The following UBE2O variants were observed in gnomAD, a reference collection of about 807,000 sequenced individuals.
UBE2O encodes ubiquitin conjugating enzyme E2 O, also known as (E3-independent) E2 ubiquitin-conjugating enzyme.
A neutral mutation model predicts 125.8 loss-of-function variants in UBE2O; 15 were observed. The ratio of observed to expected loss-of-function variants is 0.12; its 90% confidence interval spans 0.08 to 0.18. The LOEUF (loss-of-function observed/expected upper bound fraction) is 0.18. UBE2O is among the 10% of genes least tolerant of loss of function. The pLI, the probability that UBE2O is intolerant of heterozygous loss-of-function variation, is 1.00. For synonymous variants in UBE2O, 708 were observed against 703.2 expected, an observed-to-expected ratio of 1.01 and a Z score of -0.11; for missense variants, 1,280 against 1,723.6, an observed-to-expected ratio of 0.74 and a Z score of 4.56.
Position 76,452,974 on chromosome 17 carries a change from C to A in UBE2O, c.168G>T (p.Ser56=), listed in dbSNP as rs989369099. 3.3e-6 allele frequency: 5 copies of A among 1,494,370 alleles called. No individual in the cohort carries two copies. Among genetic ancestry groups the A allele is most frequent in the Admixed American group, 4.6e-5 (2 of 43,050 alleles). 92.6% of individuals were successfully genotyped at this position (1,494,370 alleles called of 1,614,324 possible). Residue 56 remains serine, a synonymous_variant, in exon 1 of 18, where the codon TCG becomes TCT. Coordinates refer to ENST00000319380, the MANE Select transcript of UBE2O (RefSeq NM_022066.4). The surrounding 1 kb of genome is among the most constrained non-coding windows in gnomAD (Gnocchi z 4.4). ...GGTCGTGAGAAAACAGCAGGCGCTG[C>A]GAGCCGGCTTCTGGGCCGGAGTCCG... ...PSSDSGPEAG[S]QRLLFSHDLV...
Position 76,398,566 on chromosome 17 carries a change from G to A in UBE2O, c.1802C>T (p.Pro601Leu), listed in dbSNP as rs1167504969. 2 of 1,613,956 alleles carry A rather than the reference G, an allele frequency of 1.2e-6. No individual in the cohort carries two copies. Among genetic ancestry groups the A allele is most frequent in the African/African-American group, 2.7e-5 (2 of 74,890 alleles). ...VDKRVQSCPD[P>L]AVYGVVQSGD... ...AGACTGTACCACACCGTAGACAGCA[G>A]GGTCTGGACAGCTCTGGACTAGGGA... Residue 601 changes from proline (P) to leucine (L), a missense_variant, in exon 11 of 18, where the codon CCT becomes CTT. This residue lies in a region of UBE2O where 145 missense variants were observed against 219.6 expected (regional missense o/e 0.66). Transcript: ENST00000319380. This position sits in a 1 kb window ranked among gnomAD's most constrained non-coding sequence, Gnocchi z 5.4.
At chr17:76,420,609 C>T (rs780589787) in intron 1 of UBE2O, among the ~76,000 whole-genome samples, 9 of 152,194 alleles carry the variant, frequency 5.9e-5, no homozygotes, top group Non-Finnish European at 7.3e-5. Flanking sequence ...CTCCTTACAA[C>T]TCTGTAACTA....
At position 76,404,033 on chromosome 17, in the gene UBE2O, A is replaced by G. The variant is rs2072376402; in HGVS notation, c.588+1173T>C. On this transcript the variant is annotated intron_variant, in intron 3 of 17. Transcript: ENST00000319380. This position sits in a 1 kb window ranked among gnomAD's most constrained non-coding sequence, Gnocchi z 4.3. ...AAAGAATACATAAATAGGGCAGAAG[A>G]TAAAGCTCTTCTACAGAGCAGAATG... 6.6e-6 allele frequency among the ~76,000 whole-genome samples: 1 copy of G among 152,238 alleles called. No homozygotes were observed. Among genetic ancestry groups the G allele is most frequent in the Non-Finnish European group, 1.5e-5 (1 of 68,050 alleles).
In UBE2O at chr17:76,398,158, G is replaced by A. The variant is rs1161502358; in HGVS notation, c.2025+97C>T. The A allele has an allele frequency of 5.2e-6, 8 of 1,550,388 alleles. No individual in the cohort carries two copies. Among genetic ancestry groups the A allele is most frequent in the Non-Finnish European group, 6.2e-6 (7 of 1,132,002 alleles). On this transcript the variant is annotated intron_variant, in intron 12 of 17. Coordinates refer to ENST00000319380, the MANE Select transcript of UBE2O (RefSeq NM_022066.4). The surrounding 1 kb of genome is among the most constrained non-coding windows in gnomAD (Gnocchi z 5.4). The stretch of plus-strand genomic sequence containing the variant: ...GACACTGAGCCCAGAGGACTTTCAG[G>A]TCTTGTCTCCTAGAGCCACCTGGTG...
chr17:76,424,261 T>C (rs2143818390), intron 1 of UBE2O, among the ~76,000 whole-genome samples: 1 of 134,906 alleles, frequency 7.4e-6, no homozygotes, highest in South Asian at 2.4e-4. Context: ...CAGCCTGGAG[T>C]GCAATGGCAC....
chr17:76,412,482 G>C (rs770440523), intron 1 of UBE2O, among the ~76,000 whole-genome samples: 3 of 152,136 alleles, frequency 2.0e-5, no homozygotes, highest in Non-Finnish European at 2.9e-5. Flanking sequence ...CCAACTGGGG[G>C]TGTGGGAGAG....
At chr17:76,426,507 T>C (rs1456304626) in intron 1 of UBE2O, among the ~76,000 whole-genome samples, 1 of 152,234 alleles carries the variant, frequency 6.6e-6, no homozygotes, top group African/African-American at 2.4e-5. Flanking sequence ...TTGCTCTCTT[T>C]CTTTTAGACA....
Position 76,398,351 on chromosome 17 carries a change from G to T in UBE2O, c.1929C>A (p.Tyr643Ter). The change falls in exon 12 of 18, where the codon TAC (tyrosine) becomes TAA (stop). Residue 643 changes from tyrosine (Y) to a stop codon, truncating the protein, a stop_gained. Transcript: ENST00000319380. LOFTEE classifies it high-confidence loss of function. This position sits in a 1 kb window ranked among gnomAD's most constrained non-coding sequence, Gnocchi z 5.4. ...TAAAGTCAGGGTGGTCAGCAATGTC[G>T]TAAACACTCACATCTTCCTCTTCTC... ...LIGEEEDVSV[Y>*]DIADHPDFRF... 6.2e-7 allele frequency: 1 copy of T among 1,614,168 alleles called. No individual in the cohort carries two copies.
chr17:76,416,919 C>T (rs1206833895), intron 1 of UBE2O, among the ~76,000 whole-genome samples: 1 of 152,210 alleles, frequency 6.6e-6, no homozygotes, highest in Non-Finnish European at 1.5e-5. Context: ...TGCAGTGAGA[C>T]AAAGCTGCGG....
At chr17:76,431,382 G>C (rs565484192) in intron 1 of UBE2O, among the ~76,000 whole-genome samples, 34 of 152,228 alleles carry the variant, frequency 2.2e-4, no homozygotes, top group African/African-American at 7.7e-4. Context: ...TGGGCGTGCT[G>C]GTGCACGCCT....
intron 1 of UBE2O, among the ~76,000 whole-genome samples, chr17:76,427,761 C>T (rs924825384): frequency 6.6e-6 from 1 of 152,236 alleles, no homozygotes; most frequent in African/African-American, 2.4e-5. Flanking sequence ...AAGACTTCCT[C>T]CAACACAATC....
rs2072117049 is a variant in UBE2O at position 76,391,685 on chromosome 17, G to A, written c.3208+71C>T. On this transcript the variant is annotated intron_variant, in intron 17 of 17. Coordinates refer to ENST00000319380, the MANE Select transcript of UBE2O (RefSeq NM_022066.4). This position sits in a 1 kb window ranked among gnomAD's most constrained non-coding sequence, Gnocchi z 8.4. ...ATGCAGGCCTACCCTCCACCTGCCA[G>A]GGGGACTATCAGAGTCACTTTCCTC... 1 of 1,600,792 alleles carries A rather than the reference G, an allele frequency of 6.2e-7. No individual in the cohort carries two copies. Among genetic ancestry groups the A allele is most frequent in the African/African-American group, 1.4e-5 (1 of 71,088 alleles).
rs969549762 is a variant in UBE2O at position 76,410,715 on chromosome 17, G to A, written c.418-5143C>T. Among the ~76,000 whole-genome samples the A allele has an allele frequency of 2.0e-5, 3 of 151,746 alleles. No individual in the cohort carries two copies. Among genetic ancestry groups the A allele is most frequent in the African/African-American group, 4.8e-5 (2 of 41,286 alleles). On this transcript the variant is annotated intron_variant, in intron 1 of 17. Coordinates refer to ENST00000319380, the MANE Select transcript of UBE2O (RefSeq NM_022066.4). This position sits in a 1 kb window ranked among gnomAD's most constrained non-coding sequence, Gnocchi z 4.0. ...GCTATGCTGGGGGCCACTCAGAGCA[G>A]GCATTCAGGAGCCGGGGAAGCTCAC...
chr17:76,399,662 C>G lies in UBE2O; in HGVS notation c.1415G>C (p.Arg472Thr). 4 of 1,614,216 alleles carry G rather than the reference C, an allele frequency of 2.5e-6. No homozygotes were observed. The highest frequency in any genetic ancestry group is 3.4e-6 in the Non-Finnish European group (4 of 1,180,042). Residue 472 changes from arginine to threonine, a missense_variant, in exon 9 of 18, where the codon AGG (arginine) becomes ACG (threonine). Around this residue, in one of 10 missense-constraint regions of UBE2O, gnomAD observed 141 missense variants for 141.3 expected, o/e 1.00. Coordinates refer to ENST00000319380, the MANE Select transcript of UBE2O (RefSeq NM_022066.4). The surrounding 1 kb of genome is among the most constrained non-coding windows in gnomAD (Gnocchi z 6.9). ...TGCGTCCTGCTCTGCCGAGTGCAGC[C>G]TGTCATCTCTGCCTTCTTTTAGCAG... ...PFLLKEGRDD[R>T]LHSAEQDADD... is the part of the protein sequence containing the mutation.
In UBE2O at chr17:76,398,251, G is replaced by A. The variant is rs760194329; in HGVS notation, c.2025+4C>T. ...CCATCCAGAACTTGAATTTGAAGGC[G>A]TACCTCATCCTCCTTGTGAGGAGCC... is the stretch of plus-strand genomic sequence containing the variant. On this transcript the variant is annotated splice_donor_region_variant and intron_variant, in intron 12 of 17. Transcript: ENST00000319380. This position sits in a 1 kb window ranked among gnomAD's most constrained non-coding sequence, Gnocchi z 5.4. 14 of 1,614,010 alleles carry A rather than the reference G, an allele frequency of 8.7e-6. No homozygotes were observed. Among genetic ancestry groups the A allele is most frequent in the Admixed American group, 3.3e-5 (2 of 60,004 alleles).
At chr17:76,392,248 T>TC in intron 15 of UBE2O, 135 bp from the exon 16 acceptor site, 1 of 542,192 alleles carries the variant, frequency 1.8e-6, no homozygotes, top group Non-Finnish European at 3.1e-6. Context: ...CACCTGGGAC[T>TC]CCAGATGCCA....
intron 1 of UBE2O, among the ~76,000 whole-genome samples, chr17:76,422,886 G>A (rs1312950974): frequency 6.6e-6 from 1 of 152,248 alleles, no homozygotes; most frequent in Admixed American, 6.5e-5. Context: ...CTGGAACACA[G>A]AAGGGTGCCT....
intron 1 of UBE2O, among the ~76,000 whole-genome samples, chr17:76,435,193 C>G (rs760492126): frequency 1.3e-5 from 2 of 151,952 alleles, no homozygotes; most frequent in African/African-American, 4.8e-5. Flanking sequence ...CTCTGACCTG[C>G]CAAATACAGA....
intron 1 of UBE2O, among the ~76,000 whole-genome samples, chr17:76,443,594 AT>A (rs5822135): frequency 0.63 from 94,310 of 149,918 alleles, 30,009 homozygotes; most frequent in South Asian, 0.69. Flanking sequence ...CAGTCAGAAC[AT>A]TTTTTTTTTT....
Sources: gnomAD v4.1 joint callset for allele counts (sites outside exome capture counted in the v4.1 genomes callset) on GRCh38, gnomAD v4.1.1 for gene constraint, gnomAD v4.1.1 regional missense constraint, Gnocchi (gnomAD v3.1) non-coding constraint, MANE v1.5 for transcripts, NCBI Gene and HGNC (gene_info 2026-07-23, HGNC 2026-07-21) for gene names.